Variants in PTGER3 observed in about 807,000 individuals in gnomAD.
The protein encoded by PTGER3 is prostaglandin E2 receptor EP3 subtype.
Under a neutral mutation model 34.7 loss-of-function variants are expected in PTGER3, and 22 were observed. The ratio of observed to expected loss-of-function variants is 0.63; its 90% CI spans 0.45 to 0.91. PTGER3 has a LOEUF of 0.91. PTGER3 is among the 40% of genes least tolerant of loss of function. PTGER3 has a pLI of 0.00. For synonymous variants in PTGER3, 241 were observed against 230.1 expected (o/e 1.05, Z -0.43); for missense variants, 468 against 519.4 (o/e 0.90, Z 0.96).
In PTGER3 at chr1:71,047,187, T is replaced by G; in HGVS notation, c.391A>C (p.Thr131Pro). 1.3e-6 allele frequency: 2 copies of G among 1,599,566 alleles called. No homozygotes were observed. The highest frequency in any genetic ancestry group is 1.7e-6 in the Non-Finnish European group (2 of 1,173,388). The change falls in exon 1 of 4, where the codon ACC (threonine) becomes CCC (proline). Residue 131 changes from threonine (T) to proline (P), a missense_variant. Coordinates refer to ENST00000306666, the MANE Select transcript of PTGER3 (RefSeq NM_198719.2). ...EHIDPSGRLC[T>P]FFGLTMTVFG... ...ACAGTCATGGTCAGCCCGAAAAAGG[T>G]GCAGAGCCGCCCCGACGGGTCGATG...
At chr1:70,943,029 G>T (rs1282960117) in intron 4 of PTGER3, among the ~76,000 whole-genome samples, 1 of 152,042 alleles carries the variant, frequency 6.6e-6, no homozygotes, top group African/African-American at 2.4e-5. Flanking sequence ...CTTGAAGCAG[G>T]ATATTTTCTT....
At chr1:70,882,622 C>T (rs1646413771) in intron 4 of PTGER3, among the ~76,000 whole-genome samples, 1 of 152,194 alleles carries the variant, frequency 6.6e-6, no homozygotes, top group African/African-American at 2.4e-5. Context: ...AAAGTTGCCT[C>T]CACAAAATGA....
At chr1:70,969,824 T>C (rs951461744), downstream of PTGER3, among the ~76,000 whole-genome samples, 3 of 152,148 alleles carry the variant, frequency 2.0e-5, no homozygotes, top group African/African-American at 7.2e-5. Context: ...ATTAAATAGG[T>C]AGAAATAAGT....
At chr1:70,936,379 C>T (rs988485175) in intron 4 of PTGER3, among the ~76,000 whole-genome samples, 3 of 152,124 alleles carry the variant, frequency 2.0e-5, no homozygotes, top group African/African-American at 7.2e-5. Flanking sequence ...ATGCAGAGAG[C>T]AGGCACAGCA....
intron 2 of PTGER3, chr1:71,006,160 G>A (rs534839546): frequency 2.0e-6 from 2 of 983,666 alleles, no homozygotes; most frequent in African/African-American, 1.7e-5. Flanking sequence ...ACAAAACTCT[G>A]CCTATCCTGA....
intron 4 of PTGER3, among the ~76,000 whole-genome samples, chr1:70,885,063 G>T (rs991318914): frequency 7.2e-5 from 11 of 152,120 alleles, no homozygotes; most frequent in Admixed American, 4.6e-4. Flanking sequence ...TCCTGAAAAT[G>T]CAAGAGCCAA....
At chr1:71,019,800 C>T (rs1436848197) in intron 1 of PTGER3, among the ~76,000 whole-genome samples, 1 of 152,062 alleles carries the variant, frequency 6.6e-6, no homozygotes, top group African/African-American at 2.4e-5. Context: ...TGAGGAAACC[C>T]AGAAAAATTA....
intron 4 of PTGER3, among the ~76,000 whole-genome samples, chr1:70,866,503 T>C (rs535886464): frequency 6.6e-6 from 1 of 152,360 alleles, no homozygotes; most frequent in African/African-American, 2.4e-5. Context: ...AACTTTCTTA[T>C]GCATATTTTT....
chr1:70,910,089 C>A (rs17482751), intron 4 of PTGER3, among the ~76,000 whole-genome samples: 55,273 of 152,106 alleles, frequency 0.36, 10,223 homozygotes, highest in Middle Eastern at 0.53. Context: ...CTAATAAGTG[C>A]TGACAAATAG....
At chr1:70,854,466 C>T (rs1362129826) in intron 4 of PTGER3, among the ~76,000 whole-genome samples, 1 of 152,100 alleles carries the variant, frequency 6.6e-6, no homozygotes, top group Admixed American at 6.5e-5. Context: ...ACCCAAATCT[C>T]ATGTCAAAAT....
At chr1:71,006,599 TAAAAC>T (rs1322872512) in intron 2 of PTGER3, 4 of 978,806 alleles carry the variant, frequency 4.1e-6, no homozygotes, top group Admixed American at 6.2e-5. Flanking sequence ...CTTGAGATAA[TAAAAC>T]AAAGAAACAT....
At chr1:71,005,647 C>A (rs1335645311) in intron 2 of PTGER3, among the ~76,000 whole-genome samples, 2 of 152,110 alleles carry the variant, frequency 1.3e-5, no homozygotes, top group South Asian at 2.1e-4. Flanking sequence ...AAGGAAAGAG[C>A]AAGCCTGCAG....
At chr1:70,975,553 G>A (rs1472977652) in intron 2 of PTGER3, among the ~76,000 whole-genome samples, 1 of 151,882 alleles carries the variant, frequency 6.6e-6, no homozygotes, top group Non-Finnish European at 1.5e-5. Context: ...AAACAGCACG[G>A]CCATTTTAAG....
chr1:70,939,557 G>A (rs1016849116), intron 4 of PTGER3, among the ~76,000 whole-genome samples: 4 of 152,206 alleles, frequency 2.6e-5, no homozygotes, highest in Non-Finnish European at 4.4e-5. Context: ...TGGGCATCCG[G>A]GATTTCTGTA....
intron 1 of PTGER3, among the ~76,000 whole-genome samples, chr1:71,030,921 A>G (rs1206582199): frequency 6.6e-6 from 1 of 152,136 alleles, no homozygotes; most frequent in Admixed American, 6.6e-5. Context: ...TTATAAACTA[A>G]TAAGAGAGAA....
intron 4 of PTGER3, among the ~76,000 whole-genome samples, chr1:70,872,949 G>T (rs1039163463): frequency 6.6e-6 from 1 of 152,148 alleles, no homozygotes; most frequent in Non-Finnish European, 1.5e-5. Context: ...GTGGTATTTT[G>T]CTACTGAGAA....
chr1:70,869,187 C>T (rs1536537), intron 4 of PTGER3: 169,466 of 432,720 alleles, frequency 0.39, 35,407 homozygotes, highest in Non-Finnish European at 0.45. Flanking sequence ...GTATGTGTGT[C>T]GGGGCAGGGG....
At chr1:71,003,263 C>T (rs149723059) in intron 2 of PTGER3, among the ~76,000 whole-genome samples, 137 of 152,330 alleles carry the variant, frequency 9.0e-4, no homozygotes, top group African/African-American at 3.1e-3. Flanking sequence ...CACTTGCACT[C>T]TGAATGGCAA....
chr1:71,030,404 G>T (rs1386921469), intron 1 of PTGER3, among the ~76,000 whole-genome samples: 1 of 152,084 alleles, frequency 6.6e-6, no homozygotes, highest in East Asian at 1.9e-4. Flanking sequence ...TCAAAACAAA[G>T]TTTCTAATTT....
Sources: gnomAD v4.1 joint callset for allele counts (sites outside exome capture counted in the v4.1 genomes callset) on GRCh38, gnomAD v4.1.1 for gene constraint, MANE v1.5 for transcripts, NCBI Gene and HGNC (gene_info 2026-07-23, HGNC 2026-07-21) for gene names.